PLEKHA7: variants seen among roughly 807,000 people sequenced by gnomAD.
PLEKHA7 encodes pleckstrin homology domain-containing family A member 7.
A neutral mutation model predicts 170.0 loss-of-function variants in PLEKHA7; 104 were observed. That is an observed-to-expected ratio of 0.61 (90% CI 0.52 to 0.72). The LOEUF is 0.72. Among genes scored for constraint, PLEKHA7 ranks in the 30% least tolerant of loss-of-function variants. The pLI is 0.00. For synonymous variants in PLEKHA7, 648 were observed against 660.8 expected, an observed-to-expected ratio of 0.98 and a Z score of 0.30; for missense variants, 1,615 against 1,671.7, an observed-to-expected ratio of 0.97 and a Z score of 0.59.
At chr11:16,983,394 T>TTGAGACCTTTCCATAAAGGCC (rs1202431990) in intron 3 of PLEKHA7, among the ~76,000 whole-genome samples, 2 of 152,094 alleles carry the variant, frequency 1.3e-5, no homozygotes, top group Non-Finnish European at 2.9e-5. Flanking sequence ...TGTGAGAGGC[T>TTGAGACCTTTCCATAAAGGCC]TGAGACCTTT....
chr11:16,969,904 G>A (rs1862604588), intron 3 of PLEKHA7, among the ~76,000 whole-genome samples: 1 of 152,162 alleles, frequency 6.6e-6, no homozygotes. Flanking sequence ...AACCTGAAGA[G>A]CTTACTAGTA....
chr11:16,935,666 T>C (rs1860238707), intron 3 of PLEKHA7, among the ~76,000 whole-genome samples: 1 of 152,194 alleles, frequency 6.6e-6, no homozygotes, highest in Non-Finnish European at 1.5e-5. Flanking sequence ...CCTTGTGACA[T>C]TTGCAAACAC....
intron 10 of PLEKHA7, among the ~76,000 whole-genome samples, chr11:16,822,407 A>G (rs1405386957): frequency 6.7e-6 from 1 of 149,388 alleles, no homozygotes. Context: ...GGTTTCTGTT[A>G]CTGAGCAAAA....
intron 6 of PLEKHA7, among the ~76,000 whole-genome samples, chr11:16,852,611 C>A (rs1406803577): frequency 6.6e-6 from 1 of 152,136 alleles, no homozygotes; most frequent in Non-Finnish European, 1.5e-5. Flanking sequence ...AAGTCACTTT[C>A]TTCTAGAAAG....
chr11:16,912,457 C>A (rs935004077), intron 3 of PLEKHA7, among the ~76,000 whole-genome samples: 1 of 152,182 alleles, frequency 6.6e-6, no homozygotes, highest in Admixed American at 6.5e-5. Flanking sequence ...AATACTCTGA[C>A]ATGGATATTT....
At chr11:16,800,218 G>A (rs927131742) in intron 17 of PLEKHA7, among the ~76,000 whole-genome samples, 3 of 152,184 alleles carry the variant, frequency 2.0e-5, no homozygotes, top group Non-Finnish European at 2.9e-5. Flanking sequence ...AAAAAAACAG[G>A]TTATTTTCCA....
In PLEKHA7 at chr11:16,789,042, G is replaced by T; in HGVS notation, c.3357+54C>A. On this transcript the variant is annotated intron_variant, in intron 23 of 26. Coordinates refer to ENST00000531066, the MANE Select transcript of PLEKHA7 (RefSeq NM_001329630.2). The surrounding 1 kb of genome is among the most constrained non-coding windows in gnomAD (Gnocchi z 4.6). The stretch of plus-strand genomic sequence containing the variant: ...GATGTGCTTGTGTTTGGGGGACTCT[G>T]AGGGGCACTCGGCTCCCTGTCCCTG... 6.4e-7 allele frequency: 1 copy of T among 1,565,230 alleles called. No individual in the cohort carries two copies. The highest frequency in any genetic ancestry group is 1.1e-5 in the South Asian group (1 of 87,332).
At chr11:16,829,342 GT>G (rs1850921333) in intron 9 of PLEKHA7, among the ~76,000 whole-genome samples, 1 of 152,074 alleles carries the variant, frequency 6.6e-6, no homozygotes, top group Non-Finnish European at 1.5e-5. Flanking sequence ...AGTTGTTAGA[GT>G]TTGGTTTCTG....
intron 3 of PLEKHA7, among the ~76,000 whole-genome samples, chr11:16,942,647 T>C (rs1251741700): frequency 6.6e-6 from 1 of 152,162 alleles, no homozygotes; most frequent in African/African-American, 2.4e-5. Context: ...CCAAAGATGA[T>C]AAGGAAGATT....
chr11:16,815,602 G>A (rs575316272), intron 12 of PLEKHA7, among the ~76,000 whole-genome samples: 41 of 152,174 alleles, frequency 2.7e-4, no homozygotes, highest in African/African-American at 9.6e-4. Context: ...TCGGCTCACT[G>A]CAAACTCCAC....
At chr11:16,940,461 T>C (rs1860614739) in intron 3 of PLEKHA7, among the ~76,000 whole-genome samples, 1 of 151,954 alleles carries the variant, frequency 6.6e-6, no homozygotes, top group African/African-American at 2.4e-5. Flanking sequence ...CTAATTTTTT[T>C]GTATTTTTAG....
chr11:17,013,209 T>C (rs938113806), intron 3 of PLEKHA7: 4 of 152,438 alleles, frequency 2.6e-5, no homozygotes, highest in Admixed American at 6.5e-5. Flanking sequence ...AAGCCTGTAC[T>C]GGCATAGGAG....
chr11:16,796,558 G>A (rs1848242999), intron 17 of PLEKHA7, among the ~76,000 whole-genome samples: 1 of 152,198 alleles, frequency 6.6e-6, no homozygotes, highest in Admixed American at 6.5e-5. Context: ...TTTCTACTGG[G>A]GGATGATGAA....
chr11:16,980,433 A>G (rs534992630), intron 3 of PLEKHA7, among the ~76,000 whole-genome samples: 1 of 152,234 alleles, frequency 6.6e-6, no homozygotes, highest in Admixed American at 6.5e-5. Flanking sequence ...ATGGTAAGGA[A>G]ATCCCCAGAC....
chr11:16,855,602 G>T (rs1590353021), intron 5 of PLEKHA7: 1 of 584,118 alleles, frequency 1.7e-6, no homozygotes, highest in Non-Finnish European at 3.1e-6. Context: ...ACCAGTGCTG[G>T]GTCTGTCAGC....
At position 16,854,925 on chromosome 11, in the gene PLEKHA7, A is replaced by G; in HGVS notation, c.486T>C (p.Asn162=). Reference sequence around the variant, plus strand: ...GCCAGCCCCTCACCACCACGGGAACATTGGGGTTCCTCCGAATGGCCTGGT... The same window carrying G: ...GCCAGCCCCTCACCACCACGGGAACGTTGGGGTTCCTCCGAATGGCCTGGT... The part of the protein sequence containing the change: ...KRDQAIRRNP[N]VPVVVRGWLH... The change falls in exon 6 of 27, where the codon AAT becomes AAC. Residue 162 remains asparagine (N), a synonymous_variant. Transcript: ENST00000531066. 6.2e-7 allele frequency: 1 copy of G among 1,614,010 alleles called. No individual in the cohort carries two copies. The highest frequency in any genetic ancestry group is 8.5e-7 in the Non-Finnish European group (1 of 1,179,978).
chr11:16,826,445 G>T lies in PLEKHA7; in HGVS notation c.1018C>A (p.Gln340Lys), dbSNP rs775605692. The T allele has an allele frequency of 1.2e-6, 2 of 1,614,096 alleles. No homozygotes were observed. Among genetic ancestry groups the T allele is most frequent in the African/African-American group, 2.7e-5 (2 of 74,936 alleles). Residue 340 changes from glutamine (Q) to lysine (K), a missense_variant, in exon 10 of 27, where the codon CAG becomes AAG. Transcript: ENST00000531066. ...DDIVNFERQE[Q>K]EGEQYRSQRD... is the part of the protein sequence containing the mutation. ...TGGGAACGGTACTGCTCTCCCTCCT[G>T]CTCCTGCCTCTCGAAGTTGACAATG...
At chr11:17,011,653 C>G (rs1159160084) in intron 3 of PLEKHA7, among the ~76,000 whole-genome samples, 1 of 152,170 alleles carries the variant, frequency 6.6e-6, no homozygotes, top group African/African-American at 2.4e-5. Flanking sequence ...CCTCTAAACA[C>G]TGCTTTGACC....
chr11:16,955,576 G>A (rs1255755274), intron 3 of PLEKHA7, among the ~76,000 whole-genome samples: 1 of 152,156 alleles, frequency 6.6e-6, no homozygotes, highest in Non-Finnish European at 1.5e-5. Flanking sequence ...TAATAGAGGA[G>A]ATGATGTATA....
Sources: gnomAD v4.1 joint callset for allele counts (sites outside exome capture counted in the v4.1 genomes callset) on GRCh38, gnomAD v4.1.1 for gene constraint, Gnocchi (gnomAD v3.1) non-coding constraint, MANE v1.5 for transcripts, NCBI Gene and HGNC (gene_info 2026-07-23, HGNC 2026-07-21) for gene names.